The following EXOC6B variants were observed in gnomAD, a reference collection of about 807,000 sequenced individuals.
EXOC6B encodes exocyst complex component 6B, also known as SEC15 homolog B.
A neutral mutation model predicts 113.5 loss-of-function variants in EXOC6B; 54 were observed. The ratio of observed to expected loss-of-function variants is 0.48; its 90% confidence interval spans 0.38 to 0.60. The LOEUF (loss-of-function observed/expected upper bound fraction) is 0.60. Among genes scored for constraint, EXOC6B ranks in the 20% least tolerant of loss-of-function variants. EXOC6B has a pLI of 0.00. For synonymous variants in EXOC6B, 357 were observed against 339.0 expected, an observed-to-expected ratio of 1.05 and a Z score of -0.58; for missense variants, 797 against 977.5, an observed-to-expected ratio of 0.82 and a Z score of 2.46.
At chr2:72,672,460 C>G (rs957561666) in intron 6 of EXOC6B, among the ~76,000 whole-genome samples, 1 of 150,064 alleles carries the variant, frequency 6.7e-6, no homozygotes, top group Non-Finnish European at 1.5e-5. Flanking sequence ...GAAACCCGGC[C>G]TCTACTAACC....
chr2:72,202,464 T>C (rs1190080703), intron 20 of EXOC6B, among the ~76,000 whole-genome samples: 1 of 152,188 alleles, frequency 6.6e-6, no homozygotes, highest in East Asian at 1.9e-4. Flanking sequence ...AACCATCATG[T>C]CCATATTCTG....
At chr2:72,246,819 G>A (rs1210484026) in intron 20 of EXOC6B, among the ~76,000 whole-genome samples, 2 of 152,106 alleles carry the variant, frequency 1.3e-5, no homozygotes, top group Admixed American at 1.3e-4. Flanking sequence ...TCCTATCTAT[G>A]GAGACAGAGC....
intron 1 of EXOC6B, among the ~76,000 whole-genome samples, chr2:72,809,119 T>G (rs1428962098): frequency 6.7e-6 from 1 of 149,548 alleles, no homozygotes; most frequent in Admixed American, 6.7e-5. Flanking sequence ...CAAAATAGAG[T>G]TCAAAATAAA....
intron 8 of EXOC6B, among the ~76,000 whole-genome samples, chr2:72,550,980 G>A (rs1015139635): frequency 5.4e-5 from 8 of 149,140 alleles, no homozygotes; most frequent in African/African-American, 2.0e-4. Context: ...GTGCAATGGC[G>A]CGATCTTGGA....
At chr2:72,693,699 G>A (rs533408532) in intron 6 of EXOC6B, among the ~76,000 whole-genome samples, 1 of 152,138 alleles carries the variant, frequency 6.6e-6, no homozygotes, top group Non-Finnish European at 1.5e-5. Context: ...TGGCTGCTTT[G>A]TACTGATATT....
chr2:72,254,065 C>A lies in EXOC6B; in HGVS notation c.2197-69878G>T, dbSNP rs537878368. On this transcript the variant is annotated intron_variant, in intron 20 of 21. Transcript: ENST00000272427. ...GTCCCAGCTACTCAGGAGGCTGAGG[C>A]AGGAGAATGGTGTGAACCCAGGAGG... 4.8e-4 allele frequency among the ~76,000 whole-genome samples: 73 copies of A among 151,830 alleles called. 1 individual carries two copies. Among genetic ancestry groups the A allele is most frequent in the Middle Eastern group, 3.4e-3 (1 of 294 alleles).
intron 6 of EXOC6B, among the ~76,000 whole-genome samples, chr2:72,626,882 G>A (rs563691563): frequency 6.6e-6 from 1 of 152,194 alleles, no homozygotes. Flanking sequence ...TATGCTGTGG[G>A]CTAAAGATTG....
chr2:72,267,793 G>A (rs1478979230), intron 20 of EXOC6B, among the ~76,000 whole-genome samples: 2 of 152,008 alleles, frequency 1.3e-5, no homozygotes, highest in East Asian at 3.9e-4. Flanking sequence ...GATAATTTAG[G>A]GTATCTGGCA....
chr2:72,825,404 T>C lies in EXOC6B; in HGVS notation c.113+394A>G, dbSNP rs1455378738. Among the ~76,000 whole-genome samples, 1 of 152,210 alleles carries C rather than the reference T, an allele frequency of 6.6e-6. No individual in the cohort carries two copies. Among genetic ancestry groups the C allele is most frequent in the Non-Finnish European group, 1.5e-5 (1 of 68,032 alleles). On this transcript the variant is annotated intron_variant, in intron 1 of 21. Transcript: ENST00000272427. This position sits in a 1 kb window ranked among gnomAD's most constrained non-coding sequence, Gnocchi z 4.4. ...TAGACCATGGAGTGAAATTCTGTGT[T>C]GTCTGAAGAGCAGGACTCCTGTCTA...
chr2:72,562,671 A>G (rs1703952838), intron 7 of EXOC6B, among the ~76,000 whole-genome samples: 1 of 152,130 alleles, frequency 6.6e-6, no homozygotes, highest in Non-Finnish European at 1.5e-5. Flanking sequence ...ATCATTATCG[A>G]CTGCAACTAT....
chr2:72,533,325 T>C (rs1412401375), intron 8 of EXOC6B, among the ~76,000 whole-genome samples: 2 of 152,176 alleles, frequency 1.3e-5, no homozygotes, highest in Admixed American at 1.3e-4. Flanking sequence ...AAGTCAGGTC[T>C]ACATTGAAGA....
chr2:72,643,074 C>A (rs1253944522), intron 6 of EXOC6B, among the ~76,000 whole-genome samples: 2 of 152,082 alleles, frequency 1.3e-5, no homozygotes, highest in Admixed American at 1.3e-4. Context: ...TACCATCTCA[C>A]ACCAGTTAGA....
Position 72,550,904 on chromosome 2 carries a change from A to ATT in EXOC6B, c.915+8547_915+8548dup, listed in dbSNP as rs1463200496. Among the ~76,000 whole-genome samples the ATT allele has an allele frequency of 1.5e-3, 230 of 149,636 alleles. 3 individuals carry two copies. Among genetic ancestry groups the ATT allele is most frequent in the African/African-American group, 5.2e-3 (212 of 40,526 alleles). The stretch of plus-strand genomic sequence containing the variant: ...ACATAACAATTACGAGATAACTGCC[A>ATT]TTTATTTTTTTTTTATTTTTTTTTT... On this transcript the variant is annotated intron_variant, in intron 8 of 21. Transcript: ENST00000272427.
chr2:72,188,725 C>T, intron 20 of EXOC6B, among the ~76,000 whole-genome samples: 1 of 152,212 alleles, frequency 6.6e-6, no homozygotes, highest in East Asian at 1.9e-4. Flanking sequence ...TGCAAGGACA[C>T]TCAATCATCA....
At chr2:72,628,534 T>C (rs1672198943) in intron 6 of EXOC6B, among the ~76,000 whole-genome samples, 1 of 152,162 alleles carries the variant, frequency 6.6e-6, no homozygotes, top group African/African-American at 2.4e-5. Context: ...TATGTTGAAA[T>C]CCTAACCCAC....
chr2:72,547,292 G>A (rs887708483), intron 8 of EXOC6B, among the ~76,000 whole-genome samples: 1 of 152,150 alleles, frequency 6.6e-6, no homozygotes, highest in East Asian at 1.9e-4. Flanking sequence ...ATAATACTGG[G>A]GGATTGCTAA....
At chr2:72,664,454 G>A (rs1014077047) in intron 6 of EXOC6B, among the ~76,000 whole-genome samples, 19 of 152,082 alleles carry the variant, frequency 1.2e-4, no homozygotes, top group Admixed American at 1.2e-3. Context: ...CGAAACTCTG[G>A]GATCCCAGGT....
chr2:72,695,124 T>C (rs1677779731), intron 6 of EXOC6B, among the ~76,000 whole-genome samples: 2 of 152,206 alleles, frequency 1.3e-5, no homozygotes, highest in Admixed American at 1.3e-4. Context: ...GACGGCTGGA[T>C]GCTTTGGGGT....
At chr2:72,794,901 G>A (rs936884256) in intron 1 of EXOC6B, among the ~76,000 whole-genome samples, 1 of 152,192 alleles carries the variant, frequency 6.6e-6, no homozygotes, top group African/African-American at 2.4e-5. Context: ...GGTAAAGGGA[G>A]GAAAGGAAAG....
Sources: gnomAD v4.1 joint callset for allele counts (sites outside exome capture counted in the v4.1 genomes callset) on GRCh38, gnomAD v4.1.1 for gene constraint, Gnocchi (gnomAD v3.1) non-coding constraint, MANE v1.5 for transcripts, NCBI Gene and HGNC (gene_info 2026-07-23, HGNC 2026-07-21) for gene names.